The following PRTFDC1 variants were observed in gnomAD, a reference collection of about 807,000 sequenced individuals.
PRTFDC1 encodes phosphoribosyl transferase domain containing 1, also known as phosphoribosyltransferase domain-containing protein 1.
In PRTFDC1, 38 loss-of-function variants were observed where a neutral mutation model predicts 34.6. The observed-to-expected ratio is 1.10, with a 90% CI of 0.85 to 1.44. The LOEUF (loss-of-function observed/expected upper bound fraction) is 1.44, where lower values mean the gene tolerates loss of function less well. PRTFDC1 is among the 40% of genes most tolerant of loss of function. PRTFDC1 has a pLI of 0.00. For synonymous variants in PRTFDC1, 93 were observed against 98.1 expected, an observed-to-expected ratio of 0.95 and a Z score of 0.31; for missense variants, 270 against 283.0, an observed-to-expected ratio of 0.95 and a Z score of 0.33.
chr10:24,916,513 T>C (rs1848698168), intron 3 of PRTFDC1, among the ~76,000 whole-genome samples: 1 of 152,310 alleles, frequency 6.6e-6, no homozygotes, highest in East Asian at 1.9e-4. Context: ...TTCTCACTCT[T>C]CTCTGGCCTC....
intron 3 of PRTFDC1, among the ~76,000 whole-genome samples, chr10:24,899,798 A>C (rs1167975560): frequency 6.6e-6 from 1 of 152,226 alleles, no homozygotes; most frequent in Non-Finnish European, 1.5e-5. Context: ...CACAACAATA[A>C]AATGCTCTAA....
At chr10:24,895,954 C>G (rs1037721879) in intron 3 of PRTFDC1, among the ~76,000 whole-genome samples, 10 of 152,060 alleles carry the variant, frequency 6.6e-5, no homozygotes, top group Non-Finnish European at 1.5e-4. Context: ...TAGTTCCCCC[C>G]CTTCTTTCTT....
Position 24,947,094 on chromosome 10 carries a change from C to T in PRTFDC1, c.49-4658G>A, listed in dbSNP as rs544766357. On this transcript the variant is annotated intron_variant, in intron 1 of 8. Transcript: ENST00000320152. ...GGTCAAGGCTGTAGTAAGCCATGAT[C>T]GCATCACTGCCCTCCAGCCTGGGTA... Among the ~76,000 whole-genome samples, 33 of 152,268 alleles carry T rather than the reference C, an allele frequency of 2.2e-4. 1 individual carries two copies. In the South Asian group the frequency reaches 5.4e-3, roughly 25 times the overall value.
At chr10:24,920,938 C>T (rs1043262019) in intron 3 of PRTFDC1, among the ~76,000 whole-genome samples, 1 of 152,056 alleles carries the variant, frequency 6.6e-6, no homozygotes, top group African/African-American at 2.4e-5. Flanking sequence ...AGGAACACTG[C>T]CTCAAAGCAT....
At position 24,872,806 on chromosome 10, in the gene PRTFDC1, A is replaced by ATT. The variant is rs66588467; in HGVS notation, c.340-745_340-744dup. On this transcript the variant is annotated intron_variant, in intron 3 of 8. Coordinates refer to ENST00000320152, the MANE Select transcript of PRTFDC1 (RefSeq NM_020200.7). ...TGTGTGTGTATATATATATATATAT[A>ATT]TTTTTTTTTTTTTTTTTTTTTGAGA... Among the ~76,000 whole-genome samples the ATT allele has an allele frequency of 5.4e-3, 634 of 117,586 alleles. 20 individuals are homozygous for ATT. Among genetic ancestry groups the ATT allele is most frequent in the African/African-American group, 0.02 (556 of 27,880 alleles). 77.1% of individuals were successfully genotyped at this position (117,586 alleles called of 152,430 possible).
intron 1 of PRTFDC1, among the ~76,000 whole-genome samples, chr10:24,946,011 A>AG (rs1012990168): frequency 1.6e-4 from 24 of 152,194 alleles, no homozygotes; most frequent in Non-Finnish European, 1.3e-4. Flanking sequence ...CCCAGGCCCC[A>AG]GGGGGATCAT....
chr10:24,889,559 GA>G (rs1430231829), intron 3 of PRTFDC1, among the ~76,000 whole-genome samples: 4 of 152,170 alleles, frequency 2.6e-5, no homozygotes, highest in Admixed American at 6.6e-5. Flanking sequence ...GAGCTAAGGG[GA>G]AAAGGCAATT....
At position 24,859,153 on chromosome 10, in the gene PRTFDC1, CCTTGGTGGTGTTGTA is replaced by C. The variant is rs571532273; in HGVS notation, c.406-759_406-745del. Among the ~76,000 whole-genome samples the C allele has an allele frequency of 1.1e-3, 169 of 152,208 alleles. 1 individual carries two copies. The Middle Eastern group carries it at 0.024, about 21-fold the overall frequency. On this transcript the variant is annotated intron_variant, in intron 4 of 8. Coordinates refer to ENST00000320152, the MANE Select transcript of PRTFDC1 (RefSeq NM_020200.7). ...ATGAATGGTTTAGCATCATCATGCC[CCTTGGTGGTGTTGTA>C]TCTGGTTGTTTAAAGGTGTATGACA...
chr10:24,871,989 T>C lies in PRTFDC1; in HGVS notation c.405+9A>G, dbSNP rs781765344. The C allele has an allele frequency of 1.9e-6, 3 of 1,604,684 alleles. No individual in the cohort carries two copies. Among genetic ancestry groups the C allele is most frequent in the Admixed American group, 1.7e-5 (1 of 59,974 alleles). ...TCAATGCGGTCTGAGCACAGTTACATGAACAAACCTTTCCAGCCAGCGTTG... is the reference window on the plus strand; with the variant it reads ...TCAATGCGGTCTGAGCACAGTTACACGAACAAACCTTTCCAGCCAGCGTTG... On this transcript the variant is annotated intron_variant, in intron 4 of 8. Coordinates refer to ENST00000320152, the MANE Select transcript of PRTFDC1 (RefSeq NM_020200.7).
intron 3 of PRTFDC1, among the ~76,000 whole-genome samples, chr10:24,913,371 T>C (rs956398000): frequency 4.6e-5 from 7 of 152,218 alleles, no homozygotes; most frequent in Admixed American, 1.3e-4. Flanking sequence ...CTGTATTTAT[T>C]AGGTTTATAA....
intron 4 of PRTFDC1, among the ~76,000 whole-genome samples, chr10:24,864,356 G>T (rs1209866415): frequency 2.0e-5 from 3 of 152,182 alleles, no homozygotes; most frequent in Non-Finnish European, 4.4e-5. Context: ...CTATCAAACA[G>T]CATCACAATC....
At chr10:24,944,568 A>T (rs1381032449) in intron 1 of PRTFDC1, among the ~76,000 whole-genome samples, 1 of 152,128 alleles carries the variant, frequency 6.6e-6, no homozygotes, top group Non-Finnish European at 1.5e-5. Context: ...AGACCTCTTG[A>T]GGCGAGGAGT....
chr10:24,939,996 G>A (rs1008508513), intron 2 of PRTFDC1, among the ~76,000 whole-genome samples: 1 of 151,930 alleles, frequency 6.6e-6, no homozygotes, highest in African/African-American at 2.4e-5. Context: ...ATAATAAGGA[G>A]GTCGATTATC....
At chr10:24,912,282 A>AG (rs1848637591) in intron 3 of PRTFDC1, among the ~76,000 whole-genome samples, 1 of 148,034 alleles carries the variant, frequency 6.8e-6, no homozygotes, top group Non-Finnish European at 1.5e-5. Flanking sequence ...AAAAAAAAAA[A>AG]AAAAAAAAAA....
chr10:24,880,818 T>TCTTTCTTTCTTTCTTTCTTTCTTC (rs1491384720), intron 3 of PRTFDC1, among the ~76,000 whole-genome samples: 14 of 56,410 alleles, frequency 2.5e-4, no homozygotes, highest in African/African-American at 1.2e-3. Context: ...TCTTTCTCTT[T>TCTTTCTTTCTTTCTTTCTTTCTTC]CTTTCTTTCT....
chr10:24,868,929 G>A (rs1302238124), intron 4 of PRTFDC1, among the ~76,000 whole-genome samples: 2 of 151,984 alleles, frequency 1.3e-5, no homozygotes, highest in African/African-American at 2.4e-5. Flanking sequence ...AATGTTTTAT[G>A]TATTTACGGA....
chr10:24,946,608 T>C (rs1849254650), intron 1 of PRTFDC1, among the ~76,000 whole-genome samples: 1 of 152,110 alleles, frequency 6.6e-6, no homozygotes, highest in Non-Finnish European at 1.5e-5. Context: ...TAAATTCTCT[T>C]AGTGTATTCA....
In PRTFDC1 at chr10:24,908,955, A is replaced by G. The variant is rs564455097; in HGVS notation, c.339+28229T>C. On this transcript the variant is annotated intron_variant, in intron 3 of 8. Coordinates refer to ENST00000320152, the MANE Select transcript of PRTFDC1 (RefSeq NM_020200.7). ...AAGATCAGCTCTAAACAAGGCATCC[A>G]ACCTTTCTGAGCCTCCGTTACCTTC... is the stretch of plus-strand genomic sequence containing the variant. 16 of 371,762 alleles carry G rather than the reference A, an allele frequency of 4.3e-5. 1 individual carries two copies. The South Asian group carries it at 9.5e-4, about 22-fold the overall frequency. 23.0% of individuals were successfully genotyped at this position (371,762 alleles called of 1,614,324 possible).
chr10:24,876,615 AC>A (rs1409976001), intron 3 of PRTFDC1, among the ~76,000 whole-genome samples: 1 of 151,930 alleles, frequency 6.6e-6, no homozygotes, highest in Non-Finnish European at 1.5e-5. Flanking sequence ...AATCGCTTGA[AC>A]CTGGAAGGTG....
Sources: gnomAD v4.1 joint callset for allele counts (sites outside exome capture counted in the v4.1 genomes callset) on GRCh38, gnomAD v4.1.1 for gene constraint, MANE v1.5 for transcripts, NCBI Gene and HGNC (gene_info 2026-07-23, HGNC 2026-07-21) for gene names.